The following ZNF699 variants were observed in gnomAD, a reference collection of about 807,000 sequenced individuals.
ZNF699 encodes the protein zinc finger protein 699.
Under a neutral mutation model 22.5 loss-of-function variants are expected in ZNF699, and 18 were observed. The ratio of observed to expected loss-of-function variants is 0.80; its 90% CI spans 0.55 to 1.19. The LOEUF is 1.19. Ranked by LOEUF, ZNF699 falls within the 50% of genes most tolerant of loss-of-function variation. ZNF699 has a pLI of 0.00. For missense variants in ZNF699, 670 were observed against 763.4 expected (o/e 0.88, Z 1.44); for synonymous variants, 241 against 262.3 (o/e 0.92, Z 0.78).
rs1195777382 is a variant in ZNF699, at chr19:9,294,145, A to G, written c.*1330T>C. On this transcript the variant is annotated 3_prime_UTR_variant, in exon 6 of 6. Coordinates refer to ENST00000591998, the MANE Select transcript of ZNF699 (RefSeq NM_198535.3). ...ATTGGACTGTGTAAGAAAGACTGCA[A>G]CATAAGCAAAATGGCAATGCCAGAG... 3.3e-5 allele frequency: 5 copies of G among 152,242 alleles called. No homozygotes were observed. 9.4% of individuals were successfully genotyped at this position (152,242 alleles called of 1,614,324 possible). A position where few individuals can be genotyped will look rare whatever the true frequency, so the allele number is the denominator to read the frequency against.
chr19:9,308,513 A>G (rs934466170), intron 1 of ZNF699, among the ~76,000 whole-genome samples: 4 of 152,208 alleles, frequency 2.6e-5, no homozygotes, highest in Non-Finnish European at 4.4e-5. Context: ...GCGGTTTAAA[A>G]CACGGTCAGG....
chr19:9,294,677 C>A lies in ZNF699; in HGVS notation c.*798G>T, dbSNP rs560259668. ...TCTGGGAAATGTAGTTAATGTAACA[C>A]AATTTTTACACTCAAAACACTGGAT... On this transcript the variant is annotated 3_prime_UTR_variant, in exon 6 of 6. Coordinates refer to ENST00000591998, the MANE Select transcript of ZNF699 (RefSeq NM_198535.3). 4.6e-5 allele frequency: 7 copies of A among 152,114 alleles called. No individual in the cohort carries two copies. Among genetic ancestry groups the A allele is most frequent in the Non-Finnish European group, 8.8e-5 (6 of 68,028 alleles). The allele number at this position is 152,114 out of a possible 1,614,324, so 9.4% of individuals were successfully genotyped here. A position where few individuals can be genotyped will look rare whatever the true frequency, so the allele number is the denominator to read the frequency against.
rs2066281479 is a variant in ZNF699 at position 9,295,599 on chromosome 19, A to C, written c.1805T>G (p.Phe602Cys). The C allele has an allele frequency of 1.9e-6, 3 of 1,613,994 alleles. No homozygotes were observed. Among genetic ancestry groups the C allele is most frequent in the Non-Finnish European group, 2.5e-6 (3 of 1,180,022 alleles). ...CGKAFSCPSSFRRHVRSHTGE... is the reference protein window; with the variant it reads ...CGKAFSCPSSCRRHVRSHTGE... ...AGTGTGGCTTCTCACATGCCTTCGA[A>C]AGGATGAGGGACAACTGAAAGCTTT... is the stretch of plus-strand genomic sequence containing the variant. Residue 602 changes from phenylalanine (F) to cysteine (C), a missense_variant, in exon 6 of 6, where the codon TTT becomes TGT. Physicochemically the swap from Phe to Cys is radical, Grantham distance 205. Coordinates refer to ENST00000591998, the MANE Select transcript of ZNF699 (RefSeq NM_198535.3).
At chr19:9,304,971 G>T in intron 2 of ZNF699, 101 bp downstream of exon 2, 2 of 806,130 alleles carry the variant, frequency 2.5e-6, no homozygotes, top group East Asian at 2.7e-5. Flanking sequence ...AATACTATGT[G>T]GTCCAATACA....
At chr19:9,309,112 C>G (rs2144987318) in intron 1 of ZNF699, among the ~76,000 whole-genome samples, 1 of 150,078 alleles carries the variant, frequency 6.7e-6, no homozygotes, top group Non-Finnish European at 1.5e-5. Context: ...TAGCTGGGAA[C>G]ACAGGAGAGC....
chr19:9,304,640 G>A (rs564833147), intron 2 of ZNF699, among the ~76,000 whole-genome samples: 14 of 152,060 alleles, frequency 9.2e-5, no homozygotes, highest in Admixed American at 5.9e-4. Context: ...GAAACACTAC[G>A]GCCGGCCGGG....
At position 9,292,530 on chromosome 19, in the gene ZNF699, G is replaced by T. The variant is rs1003647266; in HGVS notation, c.*2945C>A. ...GATGCACAGCCAAGACAGGGAGACA[G>T]AATTCAACTAGATAACATTTTTTTA... On this transcript the variant is annotated 3_prime_UTR_variant, in exon 6 of 6. Transcript: ENST00000591998. Among the ~76,000 whole-genome samples, 3 of 152,110 alleles carry T rather than the reference G, an allele frequency of 2.0e-5. No homozygotes were observed. The highest frequency in any genetic ancestry group is 2.1e-4 in the South Asian group (1 of 4,818).
At chr19:9,306,234 A>G (rs373545335) in intron 1 of ZNF699, among the ~76,000 whole-genome samples, 2 of 152,164 alleles carry the variant, frequency 1.3e-5, no homozygotes, top group African/African-American at 4.8e-5. Flanking sequence ...TTTACTAAAA[A>G]TACAAAAATT....
chr19:9,291,989 A>G lies in ZNF699; in HGVS notation c.*3486T>C, dbSNP rs1426469130. On this transcript the variant is annotated 3_prime_UTR_variant, in exon 6 of 6. Transcript: ENST00000591998. ...AGTGCTGGGATTATAGGCATGAGCC[A>G]CTGTGCCTGGCCAAGCAGCAATCTT... Among the ~76,000 whole-genome samples the G allele has an allele frequency of 1.3e-5, 2 of 152,166 alleles. No homozygotes were observed. Among genetic ancestry groups the G allele is most frequent in the Non-Finnish European group, 2.9e-5 (2 of 68,030 alleles).
In ZNF699 at chr19:9,291,165, C is replaced by A. The variant is rs1374506418; in HGVS notation, c.*4310G>T. 6.6e-6 allele frequency among the ~76,000 whole-genome samples: 1 copy of A among 152,082 alleles called. No homozygotes were observed. The highest frequency in any genetic ancestry group is 2.4e-5 in the African/African-American group (1 of 41,410). ...GTTAAAGACAACCTAGGTAAATGGA[C>A]AATTATACCATATTCATCAACTGGA... On this transcript the variant is annotated 3_prime_UTR_variant, in exon 6 of 6. Transcript: ENST00000591998.
In ZNF699 at chr19:9,293,866, T is replaced by A. The variant is rs1251688198; in HGVS notation, c.*1609A>T. On this transcript the variant is annotated 3_prime_UTR_variant, in exon 6 of 6. Transcript: ENST00000591998. ...GAAATATCACAGTAGTAGATTATAC[T>A]TTTAAAGGGAAAATATAATACTGTA... Among the ~76,000 whole-genome samples, 1 of 152,060 alleles carries A rather than the reference T, an allele frequency of 6.6e-6. No individual in the cohort carries two copies. The highest frequency in any genetic ancestry group is 2.4e-5 in the African/African-American group (1 of 41,414).
rs569121822 is a variant in ZNF699, at chr19:9,292,781, T to C, written c.*2694A>G. 2.0e-5 allele frequency among the ~76,000 whole-genome samples: 3 copies of C among 151,954 alleles called. No homozygotes were observed. In the East Asian group the frequency reaches 5.8e-4, roughly 29 times the overall value. ...ATGTGTACCTAGATATAGATATACA[T>C]ACATACAATAAAGGACAAGTAACCA... On this transcript the variant is annotated 3_prime_UTR_variant, in exon 6 of 6. Coordinates refer to ENST00000591998, the MANE Select transcript of ZNF699 (RefSeq NM_198535.3).
Position 9,296,889 on chromosome 19 carries a change from T to A in ZNF699, c.515A>T (p.Gln172Leu). ...AACTTGGCTGAAAGTCTGTCCATCT[T>A]GATTTTCTTCATAACATTCATAGAT... ...ENIYECYEENQDGQTFSQVPN... is the reference protein window; with the variant it reads ...ENIYECYEENLDGQTFSQVPN... The change falls in exon 6 of 6, where the codon CAA (glutamine) becomes CTA (leucine). Residue 172 changes from glutamine (Q) to leucine (L), a missense_variant. Coordinates refer to ENST00000591998, the MANE Select transcript of ZNF699 (RefSeq NM_198535.3). 6.2e-7 allele frequency: 1 copy of A among 1,612,908 alleles called. No individual in the cohort carries two copies. Among genetic ancestry groups the A allele is most frequent in the Non-Finnish European group, 8.5e-7 (1 of 1,178,914 alleles).
At chr19:9,304,511 G>T (rs1453376253) in intron 2 of ZNF699, among the ~76,000 whole-genome samples, 1 of 152,166 alleles carries the variant, frequency 6.6e-6, no homozygotes, top group Non-Finnish European at 1.5e-5. Flanking sequence ...ATGGCACATG[G>T]ACTATATCCA....
At chr19:9,302,588 G>C (rs2066311841) in intron 2 of ZNF699, 84 bp from the exon 3 acceptor site, 1 of 1,418,874 alleles carries the variant, frequency 7.0e-7, no homozygotes, top group Non-Finnish European at 9.5e-7. Flanking sequence ...CAACATCGAG[G>C]AAATGAGAGT....
intron 2 of ZNF699, among the ~76,000 whole-genome samples, chr19:9,304,560 C>A (rs1246928554): frequency 1.3e-5 from 2 of 152,158 alleles, no homozygotes; most frequent in Admixed American, 1.3e-4. Context: ...TTTATTGGAA[C>A]ACAATAAAAT....
rs1599248399 is a variant in ZNF699 at position 9,293,160 on chromosome 19, T to A, written c.*2315A>T. Among the ~76,000 whole-genome samples the A allele has an allele frequency of 2.1e-5, 3 of 142,058 alleles. No homozygotes were observed. The highest frequency in any genetic ancestry group is 2.6e-5 in the African/African-American group (1 of 37,948). The allele number at this position is 142,058 out of a possible 152,430, so 93.2% of individuals were successfully genotyped here. ...AAAAAAAAAGAAAAGAAATCATAAATGGATGAAATGTTTCAACAGGTGCCC... is the reference window on the plus strand; with the variant it reads ...AAAAAAAAAGAAAAGAAATCATAAAAGGATGAAATGTTTCAACAGGTGCCC... On this transcript the variant is annotated 3_prime_UTR_variant, in exon 6 of 6. Coordinates refer to ENST00000591998, the MANE Select transcript of ZNF699 (RefSeq NM_198535.3).
At position 9,291,542 on chromosome 19, in the gene ZNF699, C is replaced by CA. The variant is rs933886580; in HGVS notation, c.*3932dup. The CA allele has an allele frequency of 1.3e-5, 2 of 152,002 alleles. No individual in the cohort carries two copies. Among genetic ancestry groups the CA allele is most frequent in the African/African-American group, 2.4e-5 (1 of 41,448 alleles). 9.4% of individuals were successfully genotyped at this position (152,002 alleles called of 1,614,324 possible). On this transcript the variant is annotated 3_prime_UTR_variant, in exon 6 of 6. Coordinates refer to ENST00000591998, the MANE Select transcript of ZNF699 (RefSeq NM_198535.3). ...CACCTTGATCCTACCTCACACGCTA[C>CA]AAAAAATTATTCAAAGTAGATCACA...
chr19:9,291,278 T>C lies in ZNF699; in HGVS notation c.*4197A>G, dbSNP rs1285411799. ...AGGCATAGTACCAAAAATTCATTTG[T>C]GAAAATTAATCCTGAGATTCCAAAA... On this transcript the variant is annotated 3_prime_UTR_variant, in exon 6 of 6. Coordinates refer to ENST00000591998, the MANE Select transcript of ZNF699 (RefSeq NM_198535.3). 6.6e-6 allele frequency among the ~76,000 whole-genome samples: 1 copy of C among 152,166 alleles called. No individual in the cohort carries two copies. Among genetic ancestry groups the C allele is most frequent in the Non-Finnish European group, 1.5e-5 (1 of 68,032 alleles).
Sources: allele counts gnomAD v4.1 joint callset (sites outside exome capture counted in the v4.1 genomes callset), GRCh38; gene constraint gnomAD v4.1.1; transcripts MANE v1.5; gene names NCBI Gene and HGNC (gene_info 2026-07-23, HGNC 2026-07-21).